Variants in FOLR2 observed in about 807,000 individuals in gnomAD.
FOLR2 encodes folate receptor beta.
Under a neutral mutation model 20.4 loss-of-function variants are expected in FOLR2, and 14 were observed. The ratio of observed to expected loss-of-function variants is 0.68; its 90% confidence interval spans 0.45 to 1.07. FOLR2 has a LOEUF of 1.07. Ranked by LOEUF, FOLR2 falls within the 50% of genes least tolerant of loss-of-function variation. The probability of loss-of-function intolerance (pLI) is 0.00; values close to 1 mark genes in which losing one functional copy is unlikely to be tolerated. For missense variants in FOLR2, 269 were observed against 322.6 expected (o/e 0.83, Z 1.27); for synonymous variants, 114 against 114.3 (o/e 1.00, Z 0.02).
In FOLR2 at chr11:72,221,067, T is replaced by TCGGGGGGGGGGGGGGGGCC; in HGVS notation, c.339+10_339+11insGGGGGGGGGGGGGGGGCCC. 2.5e-6 allele frequency: 4 copies of TCGGGGGGGGGGGGGGGGCC among 1,570,076 alleles called. No homozygotes were observed. Among genetic ancestry groups the TCGGGGGGGGGGGGGGGGCC allele is most frequent in the Non-Finnish European group, 3.5e-6 (4 of 1,154,880 alleles). On this transcript the variant is annotated intron_variant, in intron 3 of 4. Transcript: ENST00000298223. ...GGCCCTGGATCCAGCAGGTAGGGTGTCTCCCCCCCACCCACCCCAGCAGAC... is the reference window on the plus strand; with the variant it reads ...GGCCCTGGATCCAGCAGGTAGGGTGTCGGGGGGGGGGGGGGGGCCCTCCCCCCCACCCACCCCAGCAGAC...
rs1232862097 is a variant in FOLR2 at position 72,221,532 on chromosome 11, G to C, written c.538G>C (p.Ala180Pro). ...CTTTGAGTCCTACTTCCCCACTCCAGCTGCCCTTTGTGAAGGCCTCTGGAG... is the reference window on the plus strand; with the variant it reads ...CTTTGAGTCCTACTTCCCCACTCCACCTGCCCTTTGTGAAGGCCTCTGGAG... ...RTFESYFPTP[A>P]ALCEGLWSHS... Residue 180 changes from alanine (A) to proline (P), a missense_variant, in exon 5 of 5, where the codon GCT becomes CCT. Physicochemically the swap from Ala to Pro is conservative, Grantham distance 27. Coordinates refer to ENST00000298223, the MANE Select transcript of FOLR2 (RefSeq NM_000803.5). The C allele has an allele frequency of 3.1e-6, 5 of 1,613,870 alleles. No homozygotes were observed. The highest frequency in any genetic ancestry group is 4.2e-6 in the Non-Finnish European group (5 of 1,179,934).
chr11:72,216,949 G>T (rs753520715), intron 1 of FOLR2, 24 bp downstream of exon 1: 3 of 1,599,178 alleles, frequency 1.9e-6, no homozygotes, highest in African/African-American at 1.3e-5. Context: ...AGGAGGGAAG[G>T]GTGACAAGGG....
In FOLR2 at chr11:72,221,481, T is replaced by G. The variant is rs775772720; in HGVS notation, c.487T>G (p.Cys163Gly). Residue 163 changes from cysteine (C) to glycine (G), a missense_variant, in exon 5 of 5, where the codon TGC becomes GGC. Coordinates refer to ENST00000298223, the MANE Select transcript of FOLR2 (RefSeq NM_000803.5). ...GWDWTSGVNK[C>G]PAGALCRTFE... ...GCCTCTCCCTGCAGGAGTTAACAAG[T>G]GCCCAGCTGGGGCTCTCTGCCGCAC... 2 of 1,613,790 alleles carry G rather than the reference T, an allele frequency of 1.2e-6. No individual in the cohort carries two copies. The highest frequency in any genetic ancestry group is 1.7e-6 in the Non-Finnish European group (2 of 1,179,758).
intron 1 of FOLR2, chr11:72,217,501 C>A (rs989446095): frequency 1.0e-5 from 8 of 770,756 alleles, no homozygotes; most frequent in African/African-American, 7.2e-5. Context: ...AGTGACAGAG[C>A]CCAAAGGAAC....
Position 72,216,804 on chromosome 11 carries a change from G to T in FOLR2, c.-146G>T. The T allele has an allele frequency of 7.8e-7, 1 of 1,283,926 alleles. No homozygotes were observed. Among genetic ancestry groups the T allele is most frequent in the East Asian group, 2.3e-5 (1 of 42,960 alleles). The allele number at this position is 1,283,926 out of a possible 1,614,324, so 79.5% of individuals were successfully genotyped here. On this transcript the variant is annotated 5_prime_UTR_variant, in exon 1 of 5. Transcript: ENST00000298223. Reference sequence around the variant, plus strand: ...CACTCAGTGCTTACCAGAGCGCGTTGTCTACCCTGTACCGAAGACAGAGGC... The same window carrying T: ...CACTCAGTGCTTACCAGAGCGCGTTTTCTACCCTGTACCGAAGACAGAGGC...
Position 72,216,802 on chromosome 11 carries a change from T to C in FOLR2, c.-148T>C, listed in dbSNP as rs1025276900. ...TTCACTCAGTGCTTACCAGAGCGCG[T>C]TGTCTACCCTGTACCGAAGACAGAG... On this transcript the variant is annotated 5_prime_UTR_variant, in exon 1 of 5. Coordinates refer to ENST00000298223, the MANE Select transcript of FOLR2 (RefSeq NM_000803.5). The C allele has an allele frequency of 8.9e-6, 11 of 1,242,472 alleles. No homozygotes were observed. Among genetic ancestry groups the C allele is most frequent in the African/African-American group, 1.5e-5 (1 of 67,796 alleles). 77.0% of individuals were successfully genotyped at this position (1,242,472 alleles called of 1,614,324 possible). A position where few individuals can be genotyped will look rare whatever the true frequency, so the allele number is the denominator to read the frequency against.
At chr11:72,217,425 T>G in intron 1 of FOLR2, 1 of 1,284,218 alleles carries the variant, frequency 7.8e-7, no homozygotes, top group Non-Finnish European at 1.0e-6. Flanking sequence ...AGAGCCATGG[T>G]CAGTAAGTTT....
In FOLR2 at chr11:72,221,600, CT is replaced by C. The variant is rs1340448789; in HGVS notation, c.607del (p.Cys203AlafsTer27). ...VSNYSRGSGR[C>X]IQMWFDSAQG... ...GCAACTACAGCCGAGGGAGCGGCCG[CT>C]GCATCCAGATGTGGTTTGATTCAGC... On this transcript the variant is annotated frameshift_variant, in exon 5 of 5. Transcript: ENST00000298223. LOFTEE classifies it low-confidence loss of function (END_TRUNC). 1.9e-6 allele frequency: 3 copies of C among 1,614,100 alleles called. No individual in the cohort carries two copies. Among genetic ancestry groups the C allele is most frequent in the African/African-American group, 2.7e-5 (2 of 74,934 alleles).
chr11:72,217,859 A>G (rs1235839709), intron 1 of FOLR2, among the ~76,000 whole-genome samples: 1 of 151,874 alleles, frequency 6.6e-6, no homozygotes, highest in African/African-American at 2.4e-5. Context: ...CCCCCAGTCT[A>G]TATCATTCTC....
chr11:72,216,898 T>A lies in FOLR2; in HGVS notation c.-52T>A. On this transcript the variant is annotated 5_prime_UTR_variant, in exon 1 of 5. Coordinates refer to ENST00000298223, the MANE Select transcript of FOLR2 (RefSeq NM_000803.5). ...AGAGGCCAACTCAGACACAGCCGTG[T>A]ATGCTCCCAGCAGCAACGGAGGTTC... is the stretch of plus-strand genomic sequence containing the variant. 2 of 1,599,482 alleles carry A rather than the reference T, an allele frequency of 1.3e-6. No homozygotes were observed. The highest frequency in any genetic ancestry group is 8.5e-7 in the Non-Finnish European group (1 of 1,179,790).
intron 1 of FOLR2, among the ~76,000 whole-genome samples, chr11:72,217,785 G>A (rs1451871047): frequency 3.3e-5 from 5 of 152,202 alleles, no homozygotes; most frequent in African/African-American, 1.2e-4. Flanking sequence ...CCAGTCACCG[G>A]AGCAGTGTAC....
intron 1 of FOLR2, chr11:72,217,311 C>T (rs1028626145): frequency 9.0e-6 from 11 of 1,228,834 alleles, no homozygotes; most frequent in Admixed American, 4.6e-5. Flanking sequence ...GCGTGAGCCA[C>T]TGTGCCCGGC....
intron 2 of FOLR2, 92 bp from the exon 3 acceptor site, chr11:72,220,778 C>A: frequency 6.6e-7 from 1 of 1,520,046 alleles, no homozygotes; most frequent in Admixed American, 1.9e-5. Context: ...CTGCCTAGGG[C>A]AGAGGAGTAA....
Position 72,221,710 on chromosome 11 carries a change from G to C in FOLR2, c.716G>C (p.Gly239Ala), listed in dbSNP as rs1324315611. 2 of 1,614,004 alleles carry C rather than the reference G, an allele frequency of 1.2e-6. No homozygotes were observed. The highest frequency in any genetic ancestry group is 1.7e-6 in the Non-Finnish European group (2 of 1,179,910). ...GCTGGTGAGATGCTTCATGGGACTG[G>C]GGGTCTCCTGCTCAGTCTGGCCCTG... ...VNAGEMLHGTGGLLLSLALML... is the reference protein window; with the variant it reads ...VNAGEMLHGTAGLLLSLALML... Residue 239 changes from glycine (G) to alanine (A), a missense_variant, in exon 5 of 5, where the codon GGG becomes GCG. Physicochemically the swap from Gly to Ala is moderately conservative, Grantham distance 60 (BLOSUM62 0). Coordinates refer to ENST00000298223, the MANE Select transcript of FOLR2 (RefSeq NM_000803.5).
rs771273732 is a variant in FOLR2 at position 72,221,684 on chromosome 11, T to A, written c.690T>A (p.Asn230Lys). ...ARFYAAAMHV[N>K]AGEMLHGTGG... is the part of the protein sequence containing the mutation. ...TCTATGCTGCAGCCATGCATGTGAA[T>A]GCTGGTGAGATGCTTCATGGGACTG... The change falls in exon 5 of 5, where the codon AAT (asparagine) becomes AAA (lysine). Residue 230 changes from asparagine to lysine, a missense_variant. Asn to Lys is a moderately conservative substitution (Grantham distance 94). Transcript: ENST00000298223. The A allele has an allele frequency of 6.2e-7, 1 of 1,614,132 alleles. No individual in the cohort carries two copies. Among genetic ancestry groups the A allele is most frequent in the Non-Finnish European group, 8.5e-7 (1 of 1,179,984 alleles).
At position 72,216,894 on chromosome 11, in the gene FOLR2, C is replaced by A. The variant is rs760408475; in HGVS notation, c.-56C>A. 2 of 1,599,388 alleles carry A rather than the reference C, an allele frequency of 1.3e-6. No individual in the cohort carries two copies. Among genetic ancestry groups the A allele is most frequent in the African/African-American group, 2.7e-5 (2 of 74,910 alleles). ...AGAGAGAGGCCAACTCAGACACAGC[C>A]GTGTATGCTCCCAGCAGCAACGGAG... On this transcript the variant is annotated 5_prime_UTR_variant, in exon 1 of 5. Coordinates refer to ENST00000298223, the MANE Select transcript of FOLR2 (RefSeq NM_000803.5).
chr11:72,220,557 C>G (rs1018638306), intron 2 of FOLR2, among the ~76,000 whole-genome samples: 1 of 152,172 alleles, frequency 6.6e-6, no homozygotes, highest in Non-Finnish European at 1.5e-5. Flanking sequence ...AGTAGGTGCT[C>G]AATAATTTTT....
At position 72,221,695 on chromosome 11, in the gene FOLR2, T is replaced by C. The variant is rs770256406; in HGVS notation, c.701T>C (p.Met234Thr). ...GCCATGCATGTGAATGCTGGTGAGATGCTTCATGGGACTGGGGGTCTCCTG... is the reference window on the plus strand; with the variant it reads ...GCCATGCATGTGAATGCTGGTGAGACGCTTCATGGGACTGGGGGTCTCCTG... ...AAAMHVNAGE[M>T]LHGTGGLLLS... The change falls in exon 5 of 5, where the codon ATG (methionine) becomes ACG (threonine). Residue 234 changes from methionine (M) to threonine (T), a missense_variant. Met to Thr is a moderately conservative substitution (Grantham distance 81, BLOSUM62 -1). Transcript: ENST00000298223. 4.3e-6 allele frequency: 7 copies of C among 1,614,006 alleles called. No homozygotes were observed. Among genetic ancestry groups the C allele is most frequent in the African/African-American group, 1.3e-5 (1 of 74,926 alleles).
In FOLR2 at chr11:72,221,069, T is replaced by TGCCCCCCCCCCCCCCCCCC; in HGVS notation, c.339+11_339+12insGCCCCCCCCCCCCCCCCCC. 2.8e-6 allele frequency: 2 copies of TGCCCCCCCCCCCCCCCCCC among 717,304 alleles called. No individual in the cohort carries two copies. Among genetic ancestry groups the TGCCCCCCCCCCCCCCCCCC allele is most frequent in the Non-Finnish European group, 2.2e-6 (1 of 458,084 alleles). 44.4% of individuals were successfully genotyped at this position (717,304 alleles called of 1,614,324 possible). On this transcript the variant is annotated intron_variant, in intron 3 of 4. Coordinates refer to ENST00000298223, the MANE Select transcript of FOLR2 (RefSeq NM_000803.5). ...CCCTGGATCCAGCAGGTAGGGTGTC[T>TGCCCCCCCCCCCCCCCCCC]CCCCCCCACCCACCCCAGCAGACTG... is the stretch of plus-strand genomic sequence containing the variant.
Sources: allele counts gnomAD v4.1 joint callset (sites outside exome capture counted in the v4.1 genomes callset), GRCh38; gene constraint gnomAD v4.1.1; transcripts MANE v1.5; gene names NCBI Gene and HGNC (gene_info 2026-07-23, HGNC 2026-07-21).